Variants in TTC17 observed in about 807,000 individuals in gnomAD.
The protein encoded by TTC17 is tetratricopeptide repeat domain 17, also known as tetratricopeptide repeat protein 17.
In TTC17, 58 loss-of-function variants were observed where a neutral mutation model predicts 143.8. The observed-to-expected ratio is 0.40, with a 90% confidence interval of 0.33 to 0.50. TTC17 has a LOEUF of 0.50. Ranked by LOEUF, TTC17 falls within the 20% of genes least tolerant of loss-of-function variation. TTC17 has a pLI of 0.49. For synonymous variants in TTC17, 501 were observed against 497.8 expected, an observed-to-expected ratio of 1.01 and a Z score of -0.09; for missense variants, 1,273 against 1,392.5, an observed-to-expected ratio of 0.91 and a Z score of 1.37.
At chr11:43,414,490 G>A in intron 15 of TTC17, 100 bp from the exon 16 acceptor site, 15 of 1,241,958 alleles carry the variant, frequency 1.2e-5, no homozygotes, top group Non-Finnish European at 1.7e-5. Flanking sequence ...ACGTTTATGG[G>A]GTAACCTAAA....
intron 16 of TTC17, among the ~76,000 whole-genome samples, chr11:43,428,272 T>C (rs1313141020): frequency 6.6e-6 from 1 of 152,052 alleles, no homozygotes; most frequent in Non-Finnish European, 1.5e-5. Flanking sequence ...TAAAGAAAAG[T>C]TCCCTAGGCT....
intron 1 of TTC17, among the ~76,000 whole-genome samples, chr11:43,366,430 C>T (rs911542934): frequency 6.6e-5 from 10 of 150,774 alleles, no homozygotes; most frequent in Admixed American, 1.3e-4. Context: ...CGCTTGAGCC[C>T]GGGAGGTGGA....
intron 21 of TTC17, among the ~76,000 whole-genome samples, chr11:43,488,936 C>G (rs1302875612): frequency 6.6e-6 from 1 of 152,078 alleles, no homozygotes; most frequent in Non-Finnish European, 1.5e-5. Context: ...GCCTTGGCCT[C>G]CCAATGCACT....
At chr11:43,379,711 A>G (rs1856892890) in intron 2 of TTC17, among the ~76,000 whole-genome samples, 1 of 152,206 alleles carries the variant, frequency 6.6e-6, no homozygotes, top group African/African-American at 2.4e-5. Context: ...CTAAAAATGT[A>G]ATTATTGTTT....
intron 16 of TTC17, 57 bp from the exon 17 acceptor site, chr11:43,443,268 A>G: frequency 6.3e-7 from 1 of 1,581,610 alleles, no homozygotes; most frequent in South Asian, 1.2e-5. Context: ...GGAGTCACCC[A>G]AGGTCTTGAA....
chr11:43,430,705 A>G (rs975962051), intron 16 of TTC17, among the ~76,000 whole-genome samples: 1 of 103,708 alleles, frequency 9.6e-6, no homozygotes, highest in Non-Finnish European at 1.9e-5. Context: ...TCCCCTACAT[A>G]CACGCACACA....
chr11:43,478,731 C>T (rs1590494190), intron 21 of TTC17, among the ~76,000 whole-genome samples: 2 of 152,162 alleles, frequency 1.3e-5, no homozygotes, highest in South Asian at 2.1e-4. Flanking sequence ...CCTCATCCTC[C>T]CTGCCCCATC....
In TTC17 at chr11:43,389,695, A is replaced by G; in HGVS notation, c.293A>G (p.Asp98Gly). The G allele has an allele frequency of 1.2e-6, 2 of 1,613,544 alleles. No homozygotes were observed. The highest frequency in any genetic ancestry group is 1.7e-6 in the Non-Finnish European group (2 of 1,179,726). Reference sequence around the variant, plus strand: ...AAAATTCACATAGAAGAGAATGAGGACAGAGACACAGGACTGGAACAGAGA... The same window carrying G: ...AAAATTCACATAGAAGAGAATGAGGGCAGAGACACAGGACTGGAACAGAGA... ...AQKIHIEENEDRDTGLEQRHN... is the reference protein window; with the variant it reads ...AQKIHIEENEGRDTGLEQRHN... The change falls in exon 3 of 24, where the codon GAC becomes GGC. Residue 98 changes from aspartate to glycine, a missense_variant. Around this residue, in one of 3 missense-constraint regions of TTC17, gnomAD observed 325 missense variants for 444.2 expected, o/e 0.73. Transcript: ENST00000039989.
chr11:43,452,515 G>A (rs1447026887), intron 21 of TTC17, among the ~76,000 whole-genome samples: 1 of 150,836 alleles, frequency 6.6e-6, no homozygotes, highest in Non-Finnish European at 1.5e-5. Context: ...AATAATGAAT[G>A]AATGAATGAA....
chr11:43,494,157 G>A lies in TTC17; in HGVS notation c.*253G>A, dbSNP rs1439102287. 2 of 360,086 alleles carry A rather than the reference G, an allele frequency of 5.6e-6. No individual in the cohort carries two copies. The highest frequency in any genetic ancestry group is 2.1e-5 in the African/African-American group (1 of 47,264). The allele number at this position is 360,086 out of a possible 1,614,324, so 22.3% of individuals were successfully genotyped here. ...GGAAAGTGCAGCTTCAAGATATTGTGTAAATACTGAGCCAAGACATTTCTG... is the reference window on the plus strand; with the variant it reads ...GGAAAGTGCAGCTTCAAGATATTGTATAAATACTGAGCCAAGACATTTCTG... On this transcript the variant is annotated 3_prime_UTR_variant, in exon 24 of 24. Transcript: ENST00000039989.
At position 43,490,439 on chromosome 11, in the gene TTC17, C is replaced by G. The variant is rs113323324; in HGVS notation, c.3150+81C>G. 1.6e-5 allele frequency: 24 copies of G among 1,469,906 alleles called. No homozygotes were observed. In the South Asian group the frequency reaches 3.4e-4, roughly 21 times the overall value. 91.1% of individuals were successfully genotyped at this position (1,469,906 alleles called of 1,614,324 possible). A position where few individuals can be genotyped will look rare whatever the true frequency, so the allele number is the denominator to read the frequency against. The stretch of plus-strand genomic sequence containing the variant: ...TGGTTTATTCTGCCCTTTGAACCAG[C>G]CTCCCTCATGCTCAGCCAGTGAGGA... On this transcript the variant is annotated intron_variant, in intron 22 of 23. Transcript: ENST00000039989.
intron 21 of TTC17, among the ~76,000 whole-genome samples, chr11:43,487,278 TG>T (rs2134483015): frequency 6.6e-6 from 1 of 152,252 alleles, no homozygotes; most frequent in African/African-American, 2.4e-5. Context: ...CCTGAGTAGC[TG>T]GGATTACACA....
chr11:43,390,624 TAAA>T (rs1199451282), intron 3 of TTC17, among the ~76,000 whole-genome samples: 4 of 122,250 alleles, frequency 3.3e-5, no homozygotes, highest in Non-Finnish European at 3.6e-5. Context: ...TCAAAAAAAA[TAAA>T]AAATAAAAAA....
At chr11:43,436,026 C>T in intron 16 of TTC17, 1 of 668,350 alleles carries the variant, frequency 1.5e-6, no homozygotes, top group Non-Finnish European at 2.1e-6. Context: ...TGCTGCAGCT[C>T]ACTGATTTTT....
chr11:43,424,153 C>T (rs1157074478), intron 16 of TTC17, among the ~76,000 whole-genome samples: 1 of 150,536 alleles, frequency 6.6e-6, no homozygotes, highest in African/African-American at 2.5e-5. Context: ...AGTGCAGTGG[C>T]TCTGTCTCGG....
At chr11:43,384,308 A>G (rs922563902) in intron 2 of TTC17, among the ~76,000 whole-genome samples, 5 of 152,180 alleles carry the variant, frequency 3.3e-5, no homozygotes, top group African/African-American at 1.2e-4. Context: ...ATTTGAAATC[A>G]TTGGGGCTAT....
At chr11:43,397,946 G>GTGTGTA (rs777813956) in intron 7 of TTC17, 28 bp from the exon 8 acceptor site, 2 of 1,425,926 alleles carry the variant, frequency 1.4e-6, no homozygotes, top group Non-Finnish European at 1.9e-6. Flanking sequence ...GTGTGTGTGT[G>GTGTGTA]TGTGTATGTT....
intron 16 of TTC17, among the ~76,000 whole-genome samples, chr11:43,423,249 G>C (rs1206548740): frequency 6.6e-6 from 1 of 152,194 alleles, no homozygotes; most frequent in African/African-American, 2.4e-5. Context: ...ATTAACTAGA[G>C]AGGTTTCTAA....
chr11:43,399,923 A>T lies in TTC17; in HGVS notation c.1094A>T (p.Tyr365Phe). The T allele has an allele frequency of 6.2e-7, 1 of 1,613,854 alleles. No individual in the cohort carries two copies. Among genetic ancestry groups the T allele is most frequent in the Non-Finnish European group, 8.5e-7 (1 of 1,179,892 alleles). The change falls in exon 9 of 24, where the codon TAT (tyrosine) becomes TTT (phenylalanine). Residue 365 changes from tyrosine (Y) to phenylalanine (F), a missense_variant. By Grantham distance (22) the Tyr-to-Phe change is conservative. This residue lies in a region of TTC17 where 325 missense variants were observed against 444.2 expected (regional missense o/e 0.73). Coordinates refer to ENST00000039989, the MANE Select transcript of TTC17 (RefSeq NM_018259.6). ...CGAACACTGAATGAGTTAAAAGAGT[A>T]TCAAAAGCAGCATGACCACTACCTG... ...LQRTLNELKE[Y>F]QKQHDHYLRQ...
Sources: gnomAD v4.1 joint callset for allele counts (sites outside exome capture counted in the v4.1 genomes callset) on GRCh38, gnomAD v4.1.1 for gene constraint, gnomAD v4.1.1 regional missense constraint, MANE v1.5 for transcripts, NCBI Gene and HGNC (gene_info 2026-07-23, HGNC 2026-07-21) for gene names.